Variants in ATP6V0A4 observed in about 807,000 individuals in gnomAD.
The protein encoded by ATP6V0A4 is ATPase H+ transporting V0 subunit a4, also known as V-type proton ATPase 116 kDa subunit a 4.
In ATP6V0A4, 86 loss-of-function variants were observed where a neutral mutation model predicts 107.3. The observed-to-expected ratio is 0.80, with a 90% confidence interval of 0.67 to 0.96. The LOEUF is 0.96. Ranked by LOEUF, ATP6V0A4 falls within the 40% of genes least tolerant of loss-of-function variation. ATP6V0A4 has a pLI of 0.00. For missense variants in ATP6V0A4, 908 were observed against 1,045.6 expected (o/e 0.87, Z 1.81); for synonymous variants, 353 against 381.4 (o/e 0.93, Z 0.87).
intron 2 of ATP6V0A4, among the ~76,000 whole-genome samples, chr7:138,785,520 A>G (rs905753487): frequency 2.6e-5 from 4 of 151,650 alleles, no homozygotes; most frequent in Non-Finnish European, 5.9e-5. Flanking sequence ...CAAGCAATCC[A>G]CCTGCCTCGG....
chr7:138,719,848 C>T (rs1804340802), intron 19 of ATP6V0A4, among the ~76,000 whole-genome samples: 5 of 152,036 alleles, frequency 3.3e-5, no homozygotes, highest in Admixed American at 1.3e-4. Context: ...GGTGAAATCC[C>T]ATCTCTACAA....
Position 138,756,461 on chromosome 7 carries a change from T to C in ATP6V0A4, c.719A>G (p.Asp240Gly), listed in dbSNP as rs1303301391. The C allele has an allele frequency of 3.8e-6, 6 of 1,594,566 alleles. No individual in the cohort carries two copies. The South Asian group carries it at 6.6e-5, about 18-fold the overall frequency. Residue 240 changes from aspartate (D) to glycine (G), a missense_variant, in exon 9 of 22, where the codon GAT (aspartate) becomes GGT (glycine). Coordinates refer to ENST00000310018, the MANE Select transcript of ATP6V0A4 (RefSeq NM_020632.3). Reference protein sequence around the residue: ...QLRQKIKKICDGFRATVYPCP... With the variant: ...QLRQKIKKICGGFRATVYPCP... ...AGAGCCATTCACTCCCTCTTACCCATCACAGATCTTCTTGATTTTCTGCCT... is the reference window on the plus strand; with the variant it reads ...AGAGCCATTCACTCCCTCTTACCCACCACAGATCTTCTTGATTTTCTGCCT...
At chr7:138,760,914 C>T (rs181632669) in intron 7 of ATP6V0A4, among the ~76,000 whole-genome samples, 25 of 152,242 alleles carry the variant, frequency 1.6e-4, no homozygotes, top group Admixed American at 1.6e-3. Context: ...ATGGCTACGA[C>T]ACATCATATC....
chr7:138,754,957 A>G (rs1806433048), intron 10 of ATP6V0A4, among the ~76,000 whole-genome samples: 1 of 152,228 alleles, frequency 6.6e-6, no homozygotes, highest in Non-Finnish European at 1.5e-5. Context: ...AAAATTAAAA[A>G]TACAAACTAA....
rs1288048788 is a variant in ATP6V0A4, at chr7:138,709,809, G to C, written c.2258-14C>G. On this transcript the variant is annotated splice_polypyrimidine_tract_variant and intron_variant, in intron 20 of 21. Transcript: ENST00000310018. ...CTTCAGACAGTTCTGCAAGGTACGA[G>C]AAACCACTGGGATTATCTTGTAAAT... 2.5e-6 allele frequency: 4 copies of C among 1,613,220 alleles called. No homozygotes were observed. In the African/African-American group the frequency reaches 5.3e-5, roughly 22 times the overall value.
At chr7:138,734,378 TC>T in intron 15 of ATP6V0A4, 124 bp from the exon 16 acceptor site, 1 of 1,470,810 alleles carries the variant, frequency 6.8e-7, no homozygotes, top group Non-Finnish European at 9.4e-7. Context: ...CATATTTCAG[TC>T]CAGCTCAATG....
rs866289806 is a variant in ATP6V0A4 at position 138,726,203 on chromosome 7, A to C, written c.2010+2558T>G. On this transcript the variant is annotated intron_variant, in intron 18 of 21. Coordinates refer to ENST00000310018, the MANE Select transcript of ATP6V0A4 (RefSeq NM_020632.3). ...ACGGGGTTTCACCGTGTTAGCCAGG[A>C]TGGTCTCGATCTCCTGACCTTGTGA... is the stretch of plus-strand genomic sequence containing the variant. Among the ~76,000 whole-genome samples, 190 of 151,980 alleles carry C rather than the reference A, an allele frequency of 1.3e-3. No individual in the cohort carries two copies. The Middle Eastern group carries it at 0.014, about 11-fold the overall frequency.
intron 19 of ATP6V0A4, 85 bp from the exon 20 acceptor site, chr7:138,715,966 T>C (rs1337198076): frequency 7.7e-6 from 12 of 1,554,356 alleles, no homozygotes; most frequent in African/African-American, 1.4e-5. Flanking sequence ...GAATAAGACA[T>C]GGGCTTTGCT....
At chr7:138,789,599 C>T (rs1808314666) in intron 1 of ATP6V0A4, among the ~76,000 whole-genome samples, 1 of 151,720 alleles carries the variant, frequency 6.6e-6, no homozygotes, top group South Asian at 2.1e-4. Flanking sequence ...ACATTTTTCC[C>T]AGGTAATGGG....
chr7:138,774,449 C>T lies in ATP6V0A4; in HGVS notation c.-17-3185G>A, dbSNP rs551830870. 1.1e-3 allele frequency among the ~76,000 whole-genome samples: 160 copies of T among 151,668 alleles called. 7 individuals are homozygous for T. In the South Asian group the frequency reaches 0.029, roughly 28 times the overall value. On this transcript the variant is annotated intron_variant, in intron 2 of 21. Transcript: ENST00000310018. ...CGAAAAAATGAGCAGAGTGTGGTGG[C>T]GGGTGCCTGTAATCCCAGCTACTCA...
rs985810427 is a variant in ATP6V0A4 at position 138,749,405 on chromosome 7, C to T, written c.1030-88G>A. ...CAAAGGTCACAGTCCCAGCTCCTGC[C>T]GTCCCTCACTGAGCGAACTTGGGGC... is the stretch of plus-strand genomic sequence containing the variant. On this transcript the variant is annotated intron_variant, in intron 11 of 21. Coordinates refer to ENST00000310018, the MANE Select transcript of ATP6V0A4 (RefSeq NM_020632.3). The T allele has an allele frequency of 1.4e-5, 21 of 1,510,478 alleles. No homozygotes were observed. The South Asian group carries it at 1.7e-4, about 12-fold the overall frequency. 93.6% of individuals were successfully genotyped at this position (1,510,478 alleles called of 1,614,324 possible). A position where few individuals can be genotyped will look rare whatever the true frequency, so the allele number is the denominator to read the frequency against.
rs867669718 is a variant in ATP6V0A4, at chr7:138,773,006, C to T, written c.-17-1742G>A. 1.1e-4 allele frequency among the ~76,000 whole-genome samples: 17 copies of T among 152,114 alleles called. No individual in the cohort carries two copies. The highest frequency in any genetic ancestry group is 3.6e-4 in the African/African-American group (15 of 41,414). On this transcript the variant is annotated intron_variant, in intron 2 of 21. Coordinates refer to ENST00000310018, the MANE Select transcript of ATP6V0A4 (RefSeq NM_020632.3). The surrounding 1 kb of genome is among the most constrained non-coding windows in gnomAD (Gnocchi z 5.4). ...CAGAAGCTATTCCCAAAGATCCTCCCGACGGCCCTACTGCTGCCAAATCAC... is the reference window on the plus strand; with the variant it reads ...CAGAAGCTATTCCCAAAGATCCTCCTGACGGCCCTACTGCTGCCAAATCAC...
At chr7:138,774,802 C>T (rs1212073531) in intron 2 of ATP6V0A4, among the ~76,000 whole-genome samples, 1 of 151,490 alleles carries the variant, frequency 6.6e-6, no homozygotes, top group Non-Finnish European at 1.5e-5. Context: ...AACTATTAAC[C>T]AAAACACTCT....
intron 2 of ATP6V0A4, among the ~76,000 whole-genome samples, chr7:138,781,586 T>C (rs1291366306): frequency 6.6e-6 from 1 of 152,162 alleles, no homozygotes; most frequent in Non-Finnish European, 1.5e-5. Flanking sequence ...CACCCTGGCC[T>C]CCCAAAGTGC....
chr7:138,730,069 C>A (rs2353837), intron 17 of ATP6V0A4, among the ~76,000 whole-genome samples: 122,114 of 152,090 alleles, frequency 0.8, 49,276 homozygotes, highest in East Asian at 0.98. Context: ...TATTTTTAGT[C>A]GGGACGGGGT....
At position 138,707,155 on chromosome 7, in the gene ATP6V0A4, TATATA is replaced by T. The variant is rs1190357093; in HGVS notation, c.2430-443_2430-439del. ...ATATACATCAATATTAATATATTAA[TATATA>T]ATATATTATATATATTATATAATAT... On this transcript the variant is annotated intron_variant, in intron 21 of 21. Coordinates refer to ENST00000310018, the MANE Select transcript of ATP6V0A4 (RefSeq NM_020632.3). Among the ~76,000 whole-genome samples the T allele has an allele frequency of 7.5e-5, 6 of 80,166 alleles. 1 individual carries two copies. Among genetic ancestry groups the T allele is most frequent in the Non-Finnish European group, 1.4e-4 (6 of 44,318 alleles). 52.6% of individuals were successfully genotyped at this position (80,166 alleles called of 152,430 possible).
At chr7:138,707,272 T>A (rs1269286805) in intron 21 of ATP6V0A4, among the ~76,000 whole-genome samples, 1 of 91,436 alleles carries the variant, frequency 1.1e-5, no homozygotes, top group Admixed American at 1.9e-4. Flanking sequence ...TTATATTATA[T>A]ATTCTATATA....
chr7:138,749,391 G>T, intron 11 of ATP6V0A4, 74 bp from the exon 12 acceptor site: 1 of 1,561,130 alleles, frequency 6.4e-7, no homozygotes, highest in Non-Finnish European at 8.7e-7. Context: ...AAAGGTCACA[G>T]TCCCAGCTCC....
At chr7:138,708,470 T>G (rs1246532059) in intron 21 of ATP6V0A4, among the ~76,000 whole-genome samples, 3 of 152,158 alleles carry the variant, frequency 2.0e-5, no homozygotes, top group Non-Finnish European at 4.4e-5. Flanking sequence ...GTGCAAAGGC[T>G]TCTTTATGAA....
Sources: gnomAD v4.1 joint callset for allele counts (sites outside exome capture counted in the v4.1 genomes callset) on GRCh38, gnomAD v4.1.1 for gene constraint, Gnocchi (gnomAD v3.1) non-coding constraint, MANE v1.5 for transcripts, NCBI Gene and HGNC (gene_info 2026-07-23, HGNC 2026-07-21) for gene names.